Variants in CADM2 observed in about 807,000 individuals in gnomAD.
The protein encoded by CADM2 is cell adhesion molecule 2, also known as immunoglobulin superfamily member 4D.
A neutral mutation model predicts 49.8 loss-of-function variants in CADM2; 12 were observed. The ratio of observed to expected loss-of-function variants is 0.24; its 90% CI spans 0.15 to 0.39. The LOEUF (loss-of-function observed/expected upper bound fraction) is 0.39, where lower values mean the gene tolerates loss of function less well. CADM2 is among the 10% of genes least tolerant of loss of function. The pLI, the probability that CADM2 is intolerant of heterozygous loss-of-function variation, is 1.00. For missense variants in CADM2, 378 were observed against 492.3 expected (o/e 0.77, Z 2.20); for synonymous variants, 214 against 175.4 (o/e 1.22, Z -1.74).
intron 1 of CADM2, among the ~76,000 whole-genome samples, chr3:85,353,953 A>G (rs1011566007): frequency 2.0e-5 from 3 of 152,044 alleles, no homozygotes; most frequent in Non-Finnish European, 2.9e-5. Flanking sequence ...ATAATCATAC[A>G]TAACTATATA....
chr3:85,581,703 C>T (rs2062803624), intron 1 of CADM2, among the ~76,000 whole-genome samples: 1 of 151,952 alleles, frequency 6.6e-6, no homozygotes, highest in South Asian at 2.1e-4. Context: ...GAAAACTGGG[C>T]TATCATTTCT....
intron 2 of CADM2, among the ~76,000 whole-genome samples, chr3:85,780,552 C>T (rs200273375): frequency 1.3e-5 from 2 of 152,158 alleles, no homozygotes; most frequent in East Asian, 1.9e-4. Flanking sequence ...CTGTTGGTTA[C>T]GCTTAGTATC....
intron 1 of CADM2, among the ~76,000 whole-genome samples, chr3:85,434,600 A>G (rs2036840852): frequency 6.6e-6 from 1 of 152,128 alleles, no homozygotes; most frequent in South Asian, 2.1e-4. Flanking sequence ...ATTATAAATT[A>G]TTTTTCTCTT....
chr3:85,939,816 A>T (rs996702303), intron 7 of CADM2, among the ~76,000 whole-genome samples: 1 of 147,620 alleles, frequency 6.8e-6, no homozygotes, highest in African/African-American at 2.5e-5. Flanking sequence ...AGTATGCATA[A>T]TTGCACAGCA....
chr3:85,436,630 T>C (rs971443241), intron 1 of CADM2, among the ~76,000 whole-genome samples: 2 of 152,164 alleles, frequency 1.3e-5, no homozygotes, highest in Non-Finnish European at 2.9e-5. Context: ...TATGTTAAAA[T>C]AAACCAGAAT....
intron 2 of CADM2, among the ~76,000 whole-genome samples, chr3:85,751,130 C>T (rs1299536169): frequency 1.3e-5 from 2 of 151,818 alleles, no homozygotes; most frequent in East Asian, 1.9e-4. Flanking sequence ...GGAAGAAACC[C>T]GAGAGGTGAG....
At chr3:85,627,648 A>G (rs1276815663) in intron 1 of CADM2, among the ~76,000 whole-genome samples, 1 of 152,018 alleles carries the variant, frequency 6.6e-6, no homozygotes, top group Non-Finnish European at 1.5e-5. Flanking sequence ...TCATTCACTC[A>G]AAGTCTAACA....
intron 1 of CADM2, among the ~76,000 whole-genome samples, chr3:85,254,450 G>A (rs2042840405): frequency 6.6e-6 from 1 of 152,006 alleles, no homozygotes; most frequent in Admixed American, 6.6e-5. Context: ...TGGAGTTCTA[G>A]TGGTGGCTGC....
chr3:85,427,804 A>T (rs2036483868), intron 1 of CADM2, among the ~76,000 whole-genome samples: 1 of 152,122 alleles, frequency 6.6e-6, no homozygotes, highest in Non-Finnish European at 1.5e-5. Flanking sequence ...GTTTCCTACT[A>T]ATAGTTAGTT....
intron 3 of CADM2, among the ~76,000 whole-genome samples, chr3:85,812,894 G>A (rs184982306): frequency 3.5e-4 from 53 of 152,098 alleles, no homozygotes; most frequent in Admixed American, 1.5e-3. Flanking sequence ...CTTCTTTATC[G>A]CTTCATAGTA....
At chr3:85,288,784 G>GTCC (rs2043698717) in intron 1 of CADM2, among the ~76,000 whole-genome samples, 2 of 88,200 alleles carry the variant, frequency 2.3e-5, no homozygotes, top group Admixed American at 1.6e-4. Context: ...TTACCAATAT[G>GTCC]CCCCCCCCCC....
At chr3:85,773,750 G>A (rs1034432833) in intron 2 of CADM2, among the ~76,000 whole-genome samples, 1 of 151,962 alleles carries the variant, frequency 6.6e-6, no homozygotes, top group East Asian at 1.9e-4. Flanking sequence ...TTCCGTGAGT[G>A]CTGGGGTTCG....
chr3:85,832,600 C>T (rs1166607380), intron 3 of CADM2, among the ~76,000 whole-genome samples: 2 of 151,544 alleles, frequency 1.3e-5, no homozygotes, highest in African/African-American at 4.9e-5. Context: ...TGATTTGGCT[C>T]TCAGCTTGAA....
intron 3 of CADM2, among the ~76,000 whole-genome samples, chr3:85,871,225 AACAG>A (rs1388322541): frequency 1.3e-5 from 2 of 152,178 alleles, no homozygotes; most frequent in Admixed American, 6.5e-5. Context: ...GTAAAACATG[AACAG>A]ACAGTTTTCA....
intron 1 of CADM2, among the ~76,000 whole-genome samples, chr3:85,714,206 C>G (rs1300631657): frequency 1.3e-5 from 2 of 152,118 alleles, no homozygotes; most frequent in Non-Finnish European, 1.5e-5. Context: ...TCTCCATTTG[C>G]ACAGCTTTTC....
intron 1 of CADM2, among the ~76,000 whole-genome samples, chr3:85,265,343 C>T (rs2043099990): frequency 6.7e-6 from 1 of 148,672 alleles, no homozygotes; most frequent in African/African-American, 2.6e-5. Context: ...AACAGAATAC[C>T]ACAAAGAGTA....
At chr3:84,960,290 C>A (rs2030351058) in intron 1 of CADM2, 1 of 149,978 alleles carries the variant, frequency 6.7e-6, no homozygotes, top group South Asian at 2.1e-4. Flanking sequence ...AGAGAGGGGA[C>A]TCTGTCTGGG....
chr3:85,237,793 A>G (rs2107828485), intron 1 of CADM2, among the ~76,000 whole-genome samples: 1 of 151,928 alleles, frequency 6.6e-6, no homozygotes, highest in East Asian at 1.9e-4. Context: ...TTCAAGATAC[A>G]TGTTGGTAGT....
At chr3:85,199,478 T>C (rs1251848712) in intron 1 of CADM2, among the ~76,000 whole-genome samples, 2 of 151,808 alleles carry the variant, frequency 1.3e-5, no homozygotes, top group Non-Finnish European at 1.5e-5. Flanking sequence ...TCAAAATTTT[T>C]TTTTTTTAGT....
Sources: allele counts gnomAD v4.1 joint callset (sites outside exome capture counted in the v4.1 genomes callset), GRCh38; gene constraint gnomAD v4.1.1; transcripts MANE v1.5; gene names NCBI Gene and HGNC (gene_info 2026-07-23, HGNC 2026-07-21).